Variants in PCDHA10 observed in about 807,000 individuals in gnomAD.
The protein encoded by PCDHA10 is protocadherin alpha-10.
Under a neutral mutation model 61.2 loss-of-function variants are expected in PCDHA10, and 45 were observed. The observed-to-expected ratio is 0.74, with a 90% CI of 0.58 to 0.94. The LOEUF (loss-of-function observed/expected upper bound fraction) is 0.94. Among genes scored for constraint, PCDHA10 ranks in the 40% least tolerant of loss-of-function variants. PCDHA10 has a pLI of 0.00. For missense variants in PCDHA10, 1,278 were observed against 1,236.2 expected (o/e 1.03, Z -0.51); for synonymous variants, 602 against 548.8 (o/e 1.10, Z -1.35).
chr5:140,909,491 A>G (rs1031839388), intron 1 of PCDHA10, among the ~76,000 whole-genome samples: 5 of 152,218 alleles, frequency 3.3e-5, no homozygotes, highest in Non-Finnish European at 7.3e-5. Context: ...GGAGAGCTGA[A>G]CGGGGATGTG....
chr5:140,999,332 T>TTATAA (rs1554256746), intron 3 of PCDHA10, among the ~76,000 whole-genome samples: 1 of 152,222 alleles, frequency 6.6e-6, no homozygotes, highest in Non-Finnish European at 1.5e-5. Flanking sequence ...TCTGTGTGAT[T>TTATAA]TATAAGCCTT....
At chr5:140,965,195 T>C (rs1368041910) in intron 1 of PCDHA10, among the ~76,000 whole-genome samples, 3 of 152,198 alleles carry the variant, frequency 2.0e-5, no homozygotes, top group Admixed American at 6.5e-5. Context: ...CATGAGGCAA[T>C]AGATTTCAAA....
At chr5:140,897,188 A>AT (rs1353420094) in intron 1 of PCDHA10, among the ~76,000 whole-genome samples, 5 of 152,104 alleles carry the variant, frequency 3.3e-5, no homozygotes, top group African/African-American at 7.2e-5. Flanking sequence ...CAAAAAATAT[A>AT]TTTTTTTATT....
chr5:140,925,166 A>G (rs2082364629), intron 1 of PCDHA10, among the ~76,000 whole-genome samples: 1 of 152,126 alleles, frequency 6.6e-6, no homozygotes, highest in Admixed American at 6.5e-5. Context: ...GAATTGTGTA[A>G]TTGACCCCAA....
chr5:140,981,755 A>G (rs868964961), intron 2 of PCDHA10, among the ~76,000 whole-genome samples: 12 of 152,222 alleles, frequency 7.9e-5, no homozygotes, highest in Admixed American at 3.3e-4. Context: ...TTAGTATTAG[A>G]CATACATAAA....
At position 140,856,290 on chromosome 5, in the gene PCDHA10, G is replaced by A. The variant is rs143002904; in HGVS notation, c.242G>A (p.Gly81Asp). 7.5e-3 allele frequency: 12,003 copies of A among 1,598,482 alleles called. 1,113 individuals are homozygous for A. The highest frequency in any genetic ancestry group is 7.4e-3 in the Non-Finnish European group (8,655 of 1,168,072). The change falls in exon 1 of 4, where the codon GGC becomes GAC. Residue 81 changes from glycine to aspartate, a missense_variant. Gly to Asp is a moderately conservative substitution (Grantham distance 94, BLOSUM62 -1). Coordinates refer to ENST00000307360, the MANE Select transcript of PCDHA10 (RefSeq NM_018901.4). ...GDLLEVNLQN[G>D]ILFVNSRIDR... ...CTTCTGGAGGTAAATCTGCAGAATG[G>A]CATTTTGTTTGTGAATTCTCGGATT...
chr5:140,941,211 CTTCCTTTCTTTCTTT>C (rs1563185551), intron 1 of PCDHA10, among the ~76,000 whole-genome samples: 1,583 of 129,706 alleles, frequency 0.012, 22 homozygotes, highest in African/African-American at 0.029. Flanking sequence ...TCCTTTCTTT[CTTCCTTTCTTTCTTT>C]CTTTCTTTCT....
At chr5:140,929,231 T>G in intron 1 of PCDHA10, 2 of 1,613,886 alleles carry the variant, frequency 1.2e-6, no homozygotes, top group Non-Finnish European at 1.7e-6. Context: ...GCTGCCGACC[T>G]GCGAAATCTT....
intron 3 of PCDHA10, among the ~76,000 whole-genome samples, chr5:140,999,429 A>G (rs1554256798): frequency 6.6e-6 from 1 of 152,190 alleles, no homozygotes. Flanking sequence ...GAGGCCAAGT[A>G]CCTTGCCTCT....
Position 140,871,175 on chromosome 5 carries a change from C to A in PCDHA10, c.2388+12739C>A, listed in dbSNP as rs782460096. On this transcript the variant is annotated intron_variant, in intron 1 of 3. Coordinates refer to ENST00000307360, the MANE Select transcript of PCDHA10 (RefSeq NM_018901.4). The stretch of plus-strand genomic sequence containing the variant: ...GCGGGCGCCGCGAGCCCAGAGGCTG[C>A]GCTGGTGGATGTCAACGTGTACCTG... 1.4e-5 allele frequency: 22 copies of A among 1,613,402 alleles called. No individual in the cohort carries two copies. The highest frequency in any genetic ancestry group is 2.2e-5 in the South Asian group (2 of 91,092).
At position 140,968,158 on chromosome 5, in the gene PCDHA10, C is replaced by T. The variant is rs191279827; in HGVS notation, c.2389-10791C>T. The T allele has an allele frequency of 3.7e-6, 6 of 1,614,124 alleles. No individual in the cohort carries two copies. The African/African-American group carries it at 4.0e-5, about 11-fold the overall frequency. On this transcript the variant is annotated intron_variant, in intron 1 of 3. Transcript: ENST00000307360. ...AGGTTGAGATCTCTGACATCAATGA[C>T]AATCCACCAAGCTTCCTGGAGGACT...
intron 3 of PCDHA10, among the ~76,000 whole-genome samples, chr5:140,986,226 C>T (rs2097191326): frequency 6.6e-6 from 1 of 152,168 alleles, no homozygotes; most frequent in African/African-American, 2.4e-5. Context: ...TCTCTAGCCT[C>T]CCCTCTGTGT....
Position 140,946,631 on chromosome 5 carries a change from T to TATATATATATATATATATATATATAC in PCDHA10, c.2389-32317_2389-32316insTATATATATATATATATATATATACA, listed in dbSNP as rs57893927. ...TGTGAAATATATATATATATATATA[T>TATATATATATATATATATATATATAC]ACAATGGAATACTCATCAGCCATTA... On this transcript the variant is annotated intron_variant, in intron 1 of 3. Coordinates refer to ENST00000307360, the MANE Select transcript of PCDHA10 (RefSeq NM_018901.4). 3.1e-3 allele frequency among the ~76,000 whole-genome samples: 414 copies of TATATATATATATATATATATATATAC among 131,704 alleles called. 27 individuals carry two copies. Among genetic ancestry groups the TATATATATATATATATATATATATAC allele is most frequent in the African/African-American group, 0.013 (382 of 28,586 alleles). 86.4% of individuals were successfully genotyped at this position (131,704 alleles called of 152,430 possible). A position where few individuals can be genotyped will look rare whatever the true frequency, so the allele number is the denominator to read the frequency against.
chr5:140,882,245 G>A, intron 1 of PCDHA10: 1 of 1,592,614 alleles, frequency 6.3e-7, no homozygotes, highest in Non-Finnish European at 8.6e-7. Context: ...ATTGCAGATA[G>A]CTCTGAGGTT....
chr5:140,874,868 T>C (rs1554167378), intron 1 of PCDHA10, among the ~76,000 whole-genome samples: 1 of 152,254 alleles, frequency 6.6e-6, no homozygotes, highest in Non-Finnish European at 1.5e-5. Flanking sequence ...TTATCCTTTG[T>C]TAAATACAAA....
rs782513442 is a variant in PCDHA10 at position 140,877,300 on chromosome 5, G to C, written c.2388+18864G>C. 7 of 1,613,828 alleles carry C rather than the reference G, an allele frequency of 4.3e-6. No homozygotes were observed. The South Asian group carries it at 4.4e-5, about 10-fold the overall frequency. Reference sequence around the variant, plus strand: ...CGGCTATAACGCTTGGCTGTCCTACGAGTTGCAACCGGCGGCGGTCGGCGC... The same window carrying C: ...CGGCTATAACGCTTGGCTGTCCTACCAGTTGCAACCGGCGGCGGTCGGCGC... On this transcript the variant is annotated intron_variant, in intron 1 of 3. Transcript: ENST00000307360.
chr5:140,861,521 G>T, intron 1 of PCDHA10: 1 of 460,572 alleles, frequency 2.2e-6, no homozygotes, highest in Non-Finnish European at 4.5e-6. Flanking sequence ...TGTGTGGGAG[G>T]ATCTCGGAGT....
At chr5:140,858,846 T>C (rs2045621304) in intron 1 of PCDHA10, 1 of 295,454 alleles carries the variant, frequency 3.4e-6, no homozygotes, top group Non-Finnish European at 6.4e-6. Flanking sequence ...ATTCCACTGA[T>C]CTATATCTCT....
chr5:140,883,213 A>G, intron 1 of PCDHA10: 1 of 1,614,090 alleles, frequency 6.2e-7, no homozygotes, highest in South Asian at 1.1e-5. Flanking sequence ...AAAAGAAATT[A>G]TATGAAATAT....
Sources: gnomAD v4.1 joint callset for allele counts (sites outside exome capture counted in the v4.1 genomes callset) on GRCh38, gnomAD v4.1.1 for gene constraint, MANE v1.5 for transcripts, NCBI Gene and HGNC (gene_info 2026-07-23, HGNC 2026-07-21) for gene names.